Variants in CNGB3 observed in about 807,000 individuals in gnomAD.
The protein encoded by CNGB3 is cyclic nucleotide-gated channel beta-3.
CNGB3 carries 86 observed loss-of-function variants against 92.8 expected under a neutral mutation model. The ratio of observed to expected loss-of-function variants is 0.93; its 90% CI spans 0.78 to 1.11. The LOEUF (loss-of-function observed/expected upper bound fraction) is 1.11. Among genes scored for constraint, CNGB3 ranks in the 50% least tolerant of loss-of-function variants. The pLI is 0.00. For missense variants in CNGB3, 1,026 were observed against 956.8 expected, an observed-to-expected ratio of 1.07 and a Z score of -0.95; for synonymous variants, 333 against 332.7, an observed-to-expected ratio of 1.00 and a Z score of -0.01.
At chr8:86,668,334 C>T (rs561525950) in intron 4 of CNGB3, among the ~76,000 whole-genome samples, 166 bp from the exon 5 acceptor site, 4 of 58,516 alleles carry the variant, frequency 6.8e-5, no homozygotes, top group African/African-American at 2.8e-4. Flanking sequence ...TGGGGTCTAT[C>T]GGGGGGTGGG....
chr8:86,720,474 G>A (rs751858638), intron 3 of CNGB3, among the ~76,000 whole-genome samples: 1 of 152,094 alleles, frequency 6.6e-6, no homozygotes, highest in Non-Finnish European at 1.5e-5. Flanking sequence ...TGCAATAATG[G>A]CCATAATCAA....
intron 7 of CNGB3, among the ~76,000 whole-genome samples, chr8:86,648,412 C>T (rs12678304): frequency 0.2 from 30,468 of 150,968 alleles, 3,719 homozygotes; most frequent in East Asian, 0.41. Flanking sequence ...CAATAAACTG[C>T]TTTAAAAGTA....
At chr8:86,671,388 A>G (rs1276166948) in intron 3 of CNGB3, among the ~76,000 whole-genome samples, 1 of 152,210 alleles carries the variant, frequency 6.6e-6, no homozygotes, top group Non-Finnish European at 1.5e-5. Context: ...AAGTAAAGCT[A>G]CAGATGGTGG....
chr8:86,711,652 T>C (rs1483859491), intron 3 of CNGB3, among the ~76,000 whole-genome samples: 1 of 151,994 alleles, frequency 6.6e-6, no homozygotes, highest in African/African-American at 2.4e-5. Context: ...TCATAAAATT[T>C]TTGTCTTTTG....
chr8:86,666,871 C>G, intron 6 of CNGB3, 54 bp downstream of exon 6: 2 of 1,398,910 alleles, frequency 1.4e-6, no homozygotes, highest in Non-Finnish European at 2.0e-6. Flanking sequence ...CTTTTTGTAG[C>G]CCAATTAGAT....
At chr8:86,670,016 A>AT (rs1182484851) in intron 4 of CNGB3, among the ~76,000 whole-genome samples, 1 of 151,762 alleles carries the variant, frequency 6.6e-6, no homozygotes, top group Non-Finnish European at 1.5e-5. Flanking sequence ...TGCCTTTCTG[A>AT]TTTTTTGTAT....
chr8:86,659,839 G>T, intron 6 of CNGB3: 1 of 411,426 alleles, frequency 2.4e-6, no homozygotes, highest in Non-Finnish European at 4.8e-6. Flanking sequence ...TCTTGGTTTT[G>T]TTGTTTCTCC....
rs1005022114 is a variant in CNGB3 at position 86,735,629 on chromosome 8, G to A, written c.211+4026C>T. Among the ~76,000 whole-genome samples, 3 of 152,072 alleles carry A rather than the reference G, an allele frequency of 2.0e-5. No individual in the cohort carries two copies. The South Asian group carries it at 6.2e-4, about 31-fold the overall frequency. On this transcript the variant is annotated intron_variant, in intron 2 of 17. Transcript: ENST00000320005. ...TGGTCCCTTCCTCCACCTCCAGAGA[G>A]CATCAATCCAACTCTGCTTTCATTG...
chr8:86,673,797 T>TG (rs72540559), intron 3 of CNGB3, among the ~76,000 whole-genome samples: 9 of 151,370 alleles, frequency 5.9e-5, no homozygotes, highest in Middle Eastern at 3.2e-3. Context: ...AAAAAATTTT[T>TG]TGTGTGTGTA....
chr8:86,647,703 C>A (rs2131597240), intron 8 of CNGB3, 98 bp downstream of exon 8: 2 of 735,024 alleles, frequency 2.7e-6, no homozygotes, highest in South Asian at 1.6e-5. Flanking sequence ...GAATATTGAT[C>A]ATTTTAAGAT....
At chr8:86,658,197 C>T in intron 6 of CNGB3, 1 of 557,534 alleles carries the variant, frequency 1.8e-6, no homozygotes, top group Non-Finnish European at 3.4e-6. Flanking sequence ...GACAGCCTGA[C>T]AGCTCACCCT....
chr8:86,626,197 C>T (rs1822844724), intron 12 of CNGB3, 117 bp from the exon 13 acceptor site: 1 of 749,582 alleles, frequency 1.3e-6, no homozygotes, highest in East Asian at 2.7e-5. Context: ...ACTTTTTATA[C>T]ATAATTAGAT....
At chr8:86,711,109 A>G (rs1469597036) in intron 3 of CNGB3, among the ~76,000 whole-genome samples, 1 of 152,180 alleles carries the variant, frequency 6.6e-6, no homozygotes, top group African/African-American at 2.4e-5. Context: ...AGAAGATGAT[A>G]TGGTATCACT....
intron 13 of CNGB3, among the ~76,000 whole-genome samples, chr8:86,625,114 A>G (rs1403201259): frequency 1.3e-5 from 2 of 151,744 alleles, no homozygotes; most frequent in Non-Finnish European, 1.5e-5. Context: ...AAATAAACAT[A>G]TTTTCTTTAG....
At chr8:86,591,413 A>G (rs181447472) in intron 15 of CNGB3, among the ~76,000 whole-genome samples, 128,378 of 148,962 alleles carry the variant, frequency 0.86, 55,456 homozygotes, top group Non-Finnish European at 0.89. Context: ...GAGGAGAGGC[A>G]CTCTGATTTT....
At chr8:86,707,465 G>A (rs955517393) in intron 3 of CNGB3, 3 of 152,420 alleles carry the variant, frequency 2.0e-5, no homozygotes, top group Non-Finnish European at 1.5e-5. Flanking sequence ...AGTGAGGGAA[G>A]AGTTATGCAG....
intron 4 of CNGB3, among the ~76,000 whole-genome samples, chr8:86,670,068 T>C (rs1823824978): frequency 1.3e-5 from 2 of 152,164 alleles, no homozygotes; most frequent in African/African-American, 2.4e-5. Context: ...CAGGATGGTC[T>C]TGATCTCCTG....
intron 15 of CNGB3, among the ~76,000 whole-genome samples, chr8:86,587,952 G>C (rs1160391607): frequency 2.0e-5 from 3 of 151,348 alleles, no homozygotes; most frequent in Non-Finnish European, 4.4e-5. Flanking sequence ...TCACGATATT[G>C]ATTCTTCCTA....
chr8:86,622,370 T>C (rs1822754364), intron 13 of CNGB3, among the ~76,000 whole-genome samples: 1 of 119,522 alleles, frequency 8.4e-6, no homozygotes, highest in East Asian at 2.4e-4. Context: ...TTTGGGGCCA[T>C]TCTTCTTTTT....
Sources: gnomAD v4.1 joint callset for allele counts (sites outside exome capture counted in the v4.1 genomes callset) on GRCh38, gnomAD v4.1.1 for gene constraint, MANE v1.5 for transcripts, NCBI Gene and HGNC (gene_info 2026-07-23, HGNC 2026-07-21) for gene names.